Variants in HMG20A observed in about 807,000 individuals in gnomAD.
The protein encoded by HMG20A is high mobility group protein 20A.
Under a neutral mutation model 43.9 loss-of-function variants are expected in HMG20A, and 17 were observed. That is an observed-to-expected ratio of 0.39 (90% CI 0.27 to 0.58). HMG20A has a LOEUF of 0.58. Among genes scored for constraint, HMG20A ranks in the 20% least tolerant of loss-of-function variants. The pLI, the probability that HMG20A is intolerant of heterozygous loss-of-function variation, is 0.59. For synonymous variants in HMG20A, 132 were observed against 147.5 expected (o/e 0.89, Z 0.76); for missense variants, 341 against 438.2 (o/e 0.78, Z 1.98).
At chr15:77,466,364 A>G (rs2142339173) in intron 3 of HMG20A, among the ~76,000 whole-genome samples, 1 of 152,312 alleles carries the variant, frequency 6.6e-6, no homozygotes, top group Middle Eastern at 3.4e-3. Flanking sequence ...CTGGGCAAGA[A>G]GAGCAAAACT....
intron 6 of HMG20A, among the ~76,000 whole-genome samples, chr15:77,476,486 GAAAAAAAAAAAAA>G (rs148901766): frequency 6.6e-4 from 54 of 81,430 alleles, no homozygotes; most frequent in South Asian, 9.1e-4. Context: ...CTCCCTCTCA[GAAAAAAAAAAAAA>G]AAAAAAAAAA....
At chr15:77,476,943 G>A (rs62007338) in intron 6 of HMG20A, among the ~76,000 whole-genome samples, 12,118 of 151,700 alleles carry the variant, frequency 0.08, 593 homozygotes, top group Non-Finnish European at 0.1. Context: ...TTTAGAGCCT[G>A]GTTATTTCTG....
chr15:77,428,492 A>C (rs944528466), intron 1 of HMG20A, among the ~76,000 whole-genome samples: 1 of 152,266 alleles, frequency 6.6e-6, no homozygotes, highest in African/African-American at 2.4e-5. Flanking sequence ...TTCAAAGCAT[A>C]TCAGCAAAAA....
chr15:77,424,093 G>A (rs767079921), intron 1 of HMG20A, among the ~76,000 whole-genome samples: 3 of 152,054 alleles, frequency 2.0e-5, no homozygotes, highest in African/African-American at 4.8e-5. Context: ...TGCTCCCTTG[G>A]TATTCCTAAA....
chr15:77,438,023 G>A (rs1381985049), intron 1 of HMG20A, among the ~76,000 whole-genome samples: 1 of 151,562 alleles, frequency 6.6e-6, no homozygotes, highest in Non-Finnish European at 1.5e-5. Flanking sequence ...GCAGTGGCAT[G>A]ATAACTCACT....
At chr15:77,477,714 A>G (rs555907743) in intron 7 of HMG20A, 84 bp downstream of exon 7, 10 of 901,098 alleles carry the variant, frequency 1.1e-5, no homozygotes, top group South Asian at 5.8e-5. Context: ...CTCAAAAGCA[A>G]TGGTAGTGTT....
At chr15:77,504,134 C>G in the HMG20A span, among the ~76,000 whole-genome samples, 1 of 152,194 alleles carries the variant, frequency 6.6e-6, no homozygotes, top group Admixed American at 6.5e-5. Flanking sequence ...GAGTCCTCAG[C>G]CGAGGCCTTC....
Position 77,456,985 on chromosome 15 carries a change from G to C in HMG20A, c.-4-1419G>C, listed in dbSNP as rs529431021. Among the ~76,000 whole-genome samples, 16 of 152,318 alleles carry C rather than the reference G, an allele frequency of 1.1e-4. 2 individuals are homozygous for C. The South Asian group carries it at 2.5e-3, about 24-fold the overall frequency. On this transcript the variant is annotated intron_variant, in intron 1 of 9. Transcript: ENST00000336216. ...GCAAGCATTCCTGCAGTAGAATAAAGTGCTTATGATGGTTGAGTGAGAAGT... is the reference window on the plus strand; with the variant it reads ...GCAAGCATTCCTGCAGTAGAATAAACTGCTTATGATGGTTGAGTGAGAAGT...
chr15:77,478,140 G>A, intron 7 of HMG20A, 155 bp from the exon 8 acceptor site: 1 of 661,994 alleles, frequency 1.5e-6, no homozygotes, highest in South Asian at 1.8e-5. Flanking sequence ...TTTCATTGCT[G>A]AAATTGCTAT....
intron 2 of HMG20A, 143 bp downstream of exon 2, chr15:77,458,639 A>G (rs1323630963): frequency 1.3e-5 from 7 of 534,716 alleles, no homozygotes; most frequent in Non-Finnish European, 2.3e-5. Flanking sequence ...AGTGACAGCC[A>G]TCATAAACCA....
the HMG20A span, among the ~76,000 whole-genome samples, chr15:77,506,596 G>T: frequency 6.6e-6 from 1 of 152,206 alleles, no homozygotes; most frequent in Non-Finnish European, 1.5e-5. Flanking sequence ...TCCCAAAGTG[G>T]GGGTTCTGGG....
At chr15:77,477,432 A>G in intron 6 of HMG20A, 123 bp from the exon 7 acceptor site, 2 of 713,758 alleles carry the variant, frequency 2.8e-6, no homozygotes, top group South Asian at 1.6e-5. Context: ...TCACAGACTC[A>G]CCTGGACTGA....
chr15:77,439,425 A>G (rs1308357294), intron 1 of HMG20A, among the ~76,000 whole-genome samples: 1 of 152,060 alleles, frequency 6.6e-6, no homozygotes, highest in Non-Finnish European at 1.5e-5. Flanking sequence ...GATAACCACT[A>G]TTCTGATTTC....
At chr15:77,433,338 T>TAAAAA (rs56217820) in intron 1 of HMG20A, among the ~76,000 whole-genome samples, 4 of 118,534 alleles carry the variant, frequency 3.4e-5, no homozygotes, top group African/African-American at 1.3e-4. Context: ...ACCCTGTCTC[T>TAAAAA]AAAAAAAAAA....
chr15:77,490,554 G>A (rs2072967051), downstream of HMG20A, among the ~76,000 whole-genome samples: 1 of 152,172 alleles, frequency 6.6e-6, no homozygotes. Context: ...TGGGCACAGT[G>A]GCTTACGCGT....
chr15:77,500,129 C>T, the HMG20A span, among the ~76,000 whole-genome samples: 1 of 152,156 alleles, frequency 6.6e-6, no homozygotes, highest in South Asian at 2.1e-4. Context: ...CTGCGCCCAG[C>T]CATATCACTC....
the HMG20A span, among the ~76,000 whole-genome samples, chr15:77,505,827 G>T: frequency 6.6e-6 from 1 of 152,208 alleles, no homozygotes. Flanking sequence ...AGATGGCAGA[G>T]CCAGATCTGC....
chr15:77,457,013 C>T (rs1222153367), intron 1 of HMG20A, among the ~76,000 whole-genome samples: 3 of 152,218 alleles, frequency 2.0e-5, no homozygotes, highest in African/African-American at 7.2e-5. Context: ...TGAGAAGTTC[C>T]TCTCTACCTT....
chr15:77,451,591 T>C (rs1256552084), intron 1 of HMG20A, among the ~76,000 whole-genome samples: 1 of 152,198 alleles, frequency 6.6e-6, no homozygotes, highest in East Asian at 1.9e-4. Flanking sequence ...ACAGAACCTA[T>C]GGATACAGGG....
Sources: gnomAD v4.1 joint callset for allele counts (sites outside exome capture counted in the v4.1 genomes callset) on GRCh38, gnomAD v4.1.1 for gene constraint, MANE v1.5 for transcripts, NCBI Gene and HGNC (gene_info 2026-07-23, HGNC 2026-07-21) for gene names.